SRD5A2: variants seen among roughly 807,000 people sequenced by gnomAD.
The protein encoded by SRD5A2 is steroid 5 alpha-reductase 2.
SRD5A2 carries 30 observed loss-of-function variants against 27.4 expected under a neutral mutation model. The ratio of observed to expected loss-of-function variants is 1.10; its 90% CI spans 0.82 to 1.49. The LOEUF (loss-of-function observed/expected upper bound fraction) is 1.49. Among genes scored for constraint, SRD5A2 ranks in the 40% most tolerant of loss-of-function variants. SRD5A2 has a pLI of 0.00. For synonymous variants in SRD5A2, 141 were observed against 133.6 expected, an observed-to-expected ratio of 1.06 and a Z score of -0.38; for missense variants, 348 against 323.4, an observed-to-expected ratio of 1.08 and a Z score of -0.58.
chr2:31,560,055 TCCCCC>T lies in SRD5A2; in HGVS notation c.281+20560_281+20564del, dbSNP rs67240045. The stretch of plus-strand genomic sequence containing the variant: ...CCCACAATATCTATGTACATACCAA[TCCCCC>T]CCCCCCCCTTTTTTTAAAAAGTCAT... On this transcript the variant is annotated intron_variant, in intron 1 of 4. Coordinates refer to ENST00000622030, the MANE Select transcript of SRD5A2 (RefSeq NM_000348.4). Among the ~76,000 whole-genome samples the T allele has an allele frequency of 1.1e-4, 14 of 122,476 alleles. 1 individual carries two copies. Among genetic ancestry groups the T allele is most frequent in the African/African-American group, 3.8e-4 (13 of 34,202 alleles). 80.3% of individuals were successfully genotyped at this position (122,476 alleles called of 152,430 possible). A position where few individuals can be genotyped will look rare whatever the true frequency, so the allele number is the denominator to read the frequency against.
At chr2:31,580,538 G>C (rs1254015034) in intron 1 of SRD5A2, 82 bp downstream of exon 1, 17 of 1,405,500 alleles carry the variant, frequency 1.2e-5, no homozygotes, top group Non-Finnish European at 1.5e-5. Flanking sequence ...GGCGTTCCTC[G>C]GTGCGCGCTC....
the SRD5A2 span, among the ~76,000 whole-genome samples, chr2:31,619,278 A>ATT: frequency 6.6e-6 from 1 of 152,232 alleles, no homozygotes; most frequent in East Asian, 1.9e-4. Context: ...GTTTAGAGTT[A>ATT]CCACATGACC....
At chr2:31,573,707 C>T (rs1444591363) in intron 1 of SRD5A2, among the ~76,000 whole-genome samples, 1 of 152,172 alleles carries the variant, frequency 6.6e-6, no homozygotes, top group East Asian at 1.9e-4. Flanking sequence ...ATGGGTCAAT[C>T]TGGGAGCAGG....
At chr2:31,637,293 T>C in the SRD5A2 span, among the ~76,000 whole-genome samples, 1 of 152,118 alleles carries the variant, frequency 6.6e-6, no homozygotes, top group Admixed American at 6.6e-5. Context: ...TGACACTTTG[T>C]ACTTCTGAGG....
chr2:31,545,355 A>C (rs1425401449), intron 1 of SRD5A2, among the ~76,000 whole-genome samples: 1 of 152,138 alleles, frequency 6.6e-6, no homozygotes, highest in Non-Finnish European at 1.5e-5. Context: ...CAAATTGAGC[A>C]GCATATAAAC....
the SRD5A2 span, among the ~76,000 whole-genome samples, chr2:31,632,780 C>A: frequency 2.0e-5 from 3 of 152,162 alleles, no homozygotes; most frequent in Admixed American, 1.3e-4. Flanking sequence ...AAACCCCACT[C>A]CTCTGTTAGG....
the SRD5A2 span, among the ~76,000 whole-genome samples, chr2:31,590,078 C>A: frequency 2.0e-5 from 3 of 152,220 alleles, no homozygotes; most frequent in Middle Eastern, 3.4e-3. Context: ...GCTTAAGAAC[C>A]ACCTCTCTGT....
intron 1 of SRD5A2, among the ~76,000 whole-genome samples, chr2:31,569,834 C>CA (rs1271498115): frequency 6.6e-6 from 1 of 151,912 alleles, no homozygotes. Flanking sequence ...TTAGATTAGG[C>CA]AAAAATTTTT....
the SRD5A2 span, among the ~76,000 whole-genome samples, chr2:31,617,085 T>C: frequency 6.6e-6 from 1 of 152,124 alleles, no homozygotes; most frequent in African/African-American, 2.4e-5. Flanking sequence ...GGCATGCTTT[T>C]CACCTTCCAC....
chr2:31,653,758 C>T, the SRD5A2 span, among the ~76,000 whole-genome samples: 4 of 152,258 alleles, frequency 2.6e-5, no homozygotes, highest in Admixed American at 2.6e-4. Context: ...CTCCTGGGTT[C>T]AAGCGATTCT....
At chr2:31,625,432 G>T in the SRD5A2 span, among the ~76,000 whole-genome samples, 1 of 152,132 alleles carries the variant, frequency 6.6e-6, no homozygotes, top group East Asian at 1.9e-4. Context: ...CGAAGTACTT[G>T]CCCATACCTA....
the SRD5A2 span, among the ~76,000 whole-genome samples, chr2:31,612,875 T>G: frequency 6.6e-6 from 1 of 152,120 alleles, no homozygotes; most frequent in Non-Finnish European, 1.5e-5. Flanking sequence ...ATATTTGCAG[T>G]TAATTGATTT....
the SRD5A2 span, among the ~76,000 whole-genome samples, chr2:31,632,570 G>A: frequency 0.34 from 52,119 of 151,836 alleles, 9,136 homozygotes; most frequent in Middle Eastern, 0.45. Flanking sequence ...ATGCTTGAGC[G>A]TTGGGGGCCA....
the SRD5A2 span, among the ~76,000 whole-genome samples, chr2:31,618,398 A>C: frequency 6.6e-6 from 1 of 152,312 alleles, no homozygotes; most frequent in Admixed American, 6.5e-5. Flanking sequence ...AGCATTATTC[A>C]TAATAGCCAA....
chr2:31,538,217 A>G (rs753379896), intron 1 of SRD5A2, among the ~76,000 whole-genome samples: 3 of 152,124 alleles, frequency 2.0e-5, no homozygotes, highest in Non-Finnish European at 4.4e-5. Context: ...ATTCTTCCCC[A>G]GACTTGCACT....
chr2:31,529,350 A>C lies in SRD5A2; in HGVS notation c.655T>G (p.Phe219Val), dbSNP rs202154255. 1 of 1,613,990 alleles carries C rather than the reference A, an allele frequency of 6.2e-7. No homozygotes were observed. The highest frequency in any genetic ancestry group is 8.5e-7 in the Non-Finnish European group (1 of 1,179,844). Residue 219 changes from phenylalanine (F) to valine (V), a missense_variant, in exon 4 of 5, where the codon TTC becomes GTC. Coordinates refer to ENST00000622030, the MANE Select transcript of SRD5A2 (RefSeq NM_000348.4). ...WSLPALAFAF[F>V]SLCFLGLRAF... ...CGCAGCCCAAGGAAACAAAGTGAGA[A>C]AAATGCAAATGCAAGTGCTGGGAGG...
At chr2:31,550,880 G>A (rs1481155652) in intron 1 of SRD5A2, among the ~76,000 whole-genome samples, 1 of 151,820 alleles carries the variant, frequency 6.6e-6, no homozygotes, top group Admixed American at 6.6e-5. Context: ...TCTAGTCAGT[G>A]TAATAAGGTA....
intron 3 of SRD5A2, among the ~76,000 whole-genome samples, chr2:31,530,571 G>C (rs1665885292): frequency 6.6e-6 from 1 of 152,116 alleles, no homozygotes; most frequent in South Asian, 2.1e-4. Flanking sequence ...ATCTGTTACT[G>C]AATTCATAGT....
At chr2:31,639,266 C>T in the SRD5A2 span, among the ~76,000 whole-genome samples, 3 of 152,162 alleles carry the variant, frequency 2.0e-5, no homozygotes, top group East Asian at 3.9e-4. Flanking sequence ...TTAGTTGTCT[C>T]AGTTTACATA....
Sources: gnomAD v4.1 joint callset for allele counts (sites outside exome capture counted in the v4.1 genomes callset) on GRCh38, gnomAD v4.1.1 for gene constraint, MANE v1.5 for transcripts, NCBI Gene and HGNC (gene_info 2026-07-23, HGNC 2026-07-21) for gene names.